The following REEP3 variants were observed in gnomAD, a reference collection of about 807,000 sequenced individuals.
REEP3 encodes receptor accessory protein 3.
Under a neutral mutation model 41.3 loss-of-function variants are expected in REEP3, and 20 were observed. The ratio of observed to expected loss-of-function variants is 0.48; its 90% CI spans 0.34 to 0.70. The LOEUF (loss-of-function observed/expected upper bound fraction) is 0.70. REEP3 is among the 30% of genes least tolerant of loss of function. The pLI, the probability that REEP3 is intolerant of heterozygous loss-of-function variation, is 0.01. For synonymous variants in REEP3, 104 were observed against 101.8 expected (o/e 1.02, Z -0.13); for missense variants, 271 against 308.8 (o/e 0.88, Z 0.92).
Position 63,619,762 on chromosome 10 carries a change from A to T in REEP3, c.673A>T (p.Ser225Cys), listed in dbSNP as rs969641778. 2 of 1,610,372 alleles carry T rather than the reference A, an allele frequency of 1.2e-6. No homozygotes were observed. The highest frequency in any genetic ancestry group is 2.2e-5 in the East Asian group (1 of 44,852). Residue 225 changes from serine (S) to cysteine (C), a missense_variant, in exon 7 of 8, where the codon AGC becomes TGC. By Grantham distance (112) the Ser-to-Cys change is moderately radical. Transcript: ENST00000373758. ...LTHKGLRRSQSMKSVKTTKGR... is the reference protein window; with the variant it reads ...LTHKGLRRSQCMKSVKTTKGR... ...ACACAAAGGGCTTCGAAGATCGCAA[A>T]GCATGAAATCTGTGAAAACCACCAA...
At chr10:63,607,179 T>C (rs1158980912) in intron 5 of REEP3, among the ~76,000 whole-genome samples, 1 of 152,234 alleles carries the variant, frequency 6.6e-6, no homozygotes, top group Non-Finnish European at 1.5e-5. Flanking sequence ...TTCTCTCTTA[T>C]ATTAGTTTTA....
chr10:63,599,049 G>A (rs1223184929), intron 4 of REEP3, 121 bp from the exon 5 acceptor site: 2 of 586,762 alleles, frequency 3.4e-6, no homozygotes, highest in Non-Finnish European at 5.9e-6. Context: ...AGAAAGAAAT[G>A]CCTATCAACA....
At chr10:63,595,830 G>A (rs945556749) in intron 3 of REEP3, among the ~76,000 whole-genome samples, 4 of 152,268 alleles carry the variant, frequency 2.6e-5, no homozygotes. Context: ...TGCCTGCCTC[G>A]GTCTCCCGAA....
At chr10:63,532,023 C>T (rs963166055) in intron 1 of REEP3, among the ~76,000 whole-genome samples, 8 of 152,158 alleles carry the variant, frequency 5.3e-5, no homozygotes, top group Non-Finnish European at 7.4e-5. Context: ...TTTATACTCA[C>T]GTATTCTGCA....
intron 1 of REEP3, among the ~76,000 whole-genome samples, chr10:63,532,229 A>G (rs374897633): frequency 5.3e-4 from 81 of 152,372 alleles, no homozygotes; most frequent in African/African-American, 1.9e-3. Context: ...AAATCATAAA[A>G]GTAAAAGTCA....
chr10:63,580,065 T>G (rs1413646248), intron 2 of REEP3, among the ~76,000 whole-genome samples: 1 of 152,190 alleles, frequency 6.6e-6, no homozygotes, highest in Non-Finnish European at 1.5e-5. Context: ...TTATAAAAAA[T>G]TGAAATGATA....
intron 6 of REEP3, among the ~76,000 whole-genome samples, chr10:63,612,507 G>A (rs954421025): frequency 6.6e-6 from 1 of 152,116 alleles, no homozygotes; most frequent in Admixed American, 6.5e-5. Flanking sequence ...TTAAAATTAG[G>A]TGGTCAGTCA....
At chr10:63,573,881 G>A (rs1955874907) in intron 2 of REEP3, among the ~76,000 whole-genome samples, 1 of 152,162 alleles carries the variant, frequency 6.6e-6, no homozygotes, top group South Asian at 2.1e-4. Context: ...AAAGTTTAAA[G>A]ATTAGCCTAC....
At chr10:63,558,624 C>T (rs1955712631) in intron 1 of REEP3, among the ~76,000 whole-genome samples, 1 of 151,880 alleles carries the variant, frequency 6.6e-6, no homozygotes, top group South Asian at 2.1e-4. Flanking sequence ...CCCCTCTCTA[C>T]AAAAAAATAC....
intron 2 of REEP3, among the ~76,000 whole-genome samples, chr10:63,568,650 ATTTT>A (rs10622553): frequency 9.2e-6 from 1 of 109,162 alleles, no homozygotes. Context: ...ACAACCCAGA[ATTTT>A]TTTTTTTTTT....
intron 5 of REEP3, among the ~76,000 whole-genome samples, chr10:63,607,757 G>A (rs1031108432): frequency 6.6e-6 from 1 of 152,144 alleles, no homozygotes; most frequent in African/African-American, 2.4e-5. Context: ...TGCTCTGGAG[G>A]CAAAATATAC....
intron 1 of REEP3, among the ~76,000 whole-genome samples, chr10:63,542,268 A>G (rs2133352039): frequency 6.6e-6 from 1 of 152,072 alleles, no homozygotes; most frequent in South Asian, 2.1e-4. Flanking sequence ...TAATAGAGAC[A>G]GGGTTCCCAT....
intron 5 of REEP3, among the ~76,000 whole-genome samples, chr10:63,609,543 C>A (rs1317601731): frequency 6.6e-6 from 1 of 152,022 alleles, no homozygotes; most frequent in Non-Finnish European, 1.5e-5. Context: ...GGCAGATCCC[C>A]TGAGGTCTGG....
intron 5 of REEP3, among the ~76,000 whole-genome samples, chr10:63,600,628 A>G (rs1956163874): frequency 6.6e-6 from 1 of 152,204 alleles, no homozygotes; most frequent in Non-Finnish European, 1.5e-5. Context: ...AAGATTATCC[A>G]GGAGATAATC....
At chr10:63,588,395 C>T (rs1048338180) in intron 2 of REEP3, among the ~76,000 whole-genome samples, 1 of 152,090 alleles carries the variant, frequency 6.6e-6, no homozygotes, top group Non-Finnish European at 1.5e-5. Context: ...TCCTTGAGAA[C>T]ATAAACATGC....
In REEP3 at chr10:63,619,766, T is replaced by C; in HGVS notation, c.677T>C (p.Met226Thr). 6.2e-7 allele frequency: 1 copy of C among 1,609,900 alleles called. No homozygotes were observed. The highest frequency in any genetic ancestry group is 8.5e-7 in the Non-Finnish European group (1 of 1,178,128). The change falls in exon 7 of 8, where the codon ATG becomes ACG. Residue 226 changes from methionine (M) to threonine (T), a missense_variant. By Grantham distance (81) the Met-to-Thr change is moderately conservative. Coordinates refer to ENST00000373758, the MANE Select transcript of REEP3 (RefSeq NM_001001330.3). ...THKGLRRSQS[M>T]KSVKTTKGRK... ...AAAGGGCTTCGAAGATCGCAAAGCA[T>C]GAAATCTGTGAAAACCACCAAAGGC...
chr10:63,603,288 G>A (rs57917667), intron 5 of REEP3, among the ~76,000 whole-genome samples: 3,721 of 139,128 alleles, frequency 0.027, 151 homozygotes, highest in East Asian at 0.21. Flanking sequence ...ACTCCAGCCT[G>A]GGTGAGAGTG....
intron 2 of REEP3, among the ~76,000 whole-genome samples, chr10:63,584,430 TAAAAAAAAA>T (rs71463528): frequency 7.7e-6 from 1 of 129,230 alleles, no homozygotes; most frequent in South Asian, 2.5e-4. Flanking sequence ...CCCATCTTTT[TAAAAAAAAA>T]AAAAAAAAAA....
At chr10:63,580,449 A>G (rs1272221011) in intron 2 of REEP3, among the ~76,000 whole-genome samples, 1 of 152,156 alleles carries the variant, frequency 6.6e-6, no homozygotes, top group African/African-American at 2.4e-5. Context: ...AATAGCTTTA[A>G]AAGACTATTT....
Sources: gnomAD v4.1 joint callset for allele counts (sites outside exome capture counted in the v4.1 genomes callset) on GRCh38, gnomAD v4.1.1 for gene constraint, MANE v1.5 for transcripts, NCBI Gene and HGNC (gene_info 2026-07-23, HGNC 2026-07-21) for gene names.